PCDH7: variants seen among roughly 807,000 people sequenced by gnomAD.
PCDH7 encodes the protein protocadherin 7.
A neutral mutation model predicts 58.9 loss-of-function variants in PCDH7; 17 were observed. The observed-to-expected ratio is 0.29, with a 90% CI of 0.20 to 0.43. The LOEUF (loss-of-function observed/expected upper bound fraction) is 0.43. Ranked by LOEUF, PCDH7 falls within the 20% of genes least tolerant of loss-of-function variation. PCDH7 has a pLI of 1.00. For synonymous variants in PCDH7, 664 were observed against 616.4 expected (o/e 1.08, Z -1.14); for missense variants, 1,274 against 1,441.0 (o/e 0.88, Z 1.88).
At chr4:31,036,642 T>C (rs1367963715) in intron 3 of PCDH7, among the ~76,000 whole-genome samples, 1 of 152,126 alleles carries the variant, frequency 6.6e-6, no homozygotes, top group Non-Finnish European at 1.5e-5. Flanking sequence ...TCATCGAAAA[T>C]GTTTGATTAT....
chr4:31,067,374 CAAAAAA>C (rs10715937), intron 3 of PCDH7, among the ~76,000 whole-genome samples: 1 of 109,652 alleles, frequency 9.1e-6, no homozygotes. Context: ...ATCACTGAGA[CAAAAAA>C]AAAAAAAAAA....
intron 1 of PCDH7, among the ~76,000 whole-genome samples, chr4:30,830,889 G>A (rs901816444): frequency 2.6e-5 from 4 of 152,052 alleles, no homozygotes; most frequent in Non-Finnish European, 5.9e-5. Context: ...TGCTGCCAAT[G>A]TTTTAACACT....
chr4:30,840,295 C>T (rs1262837366), intron 1 of PCDH7, among the ~76,000 whole-genome samples: 1 of 151,970 alleles, frequency 6.6e-6, no homozygotes, highest in Non-Finnish European at 1.5e-5. Flanking sequence ...GTCGGATGTC[C>T]TTATTCTTTC....
chr4:31,090,149 G>T (rs983138090), intron 3 of PCDH7, among the ~76,000 whole-genome samples: 1 of 151,978 alleles, frequency 6.6e-6, no homozygotes, highest in Non-Finnish European at 1.5e-5. Flanking sequence ...GCTTATTCAG[G>T]TCATTGTACC....
At chr4:31,067,378 A>G (rs1475935078) in intron 3 of PCDH7, among the ~76,000 whole-genome samples, 1 of 126,312 alleles carries the variant, frequency 7.9e-6, no homozygotes, top group African/African-American at 2.7e-5. Context: ...CTGAGACAAA[A>G]AAAAAAAAAA....
intron 1 of PCDH7, among the ~76,000 whole-genome samples, chr4:30,912,628 T>A (rs560888115): frequency 1.3e-5 from 2 of 152,232 alleles, no homozygotes; most frequent in African/African-American, 4.8e-5. Flanking sequence ...AAAAGGAAGG[T>A]GCAGATTTAA....
chr4:31,060,248 A>G (rs1757579519), intron 3 of PCDH7, among the ~76,000 whole-genome samples: 2 of 151,774 alleles, frequency 1.3e-5, no homozygotes, highest in African/African-American at 4.8e-5. Context: ...ATATCTTTGT[A>G]TGATAATAAA....
chr4:31,082,668 C>T (rs1319036530), intron 3 of PCDH7, among the ~76,000 whole-genome samples: 1 of 150,538 alleles, frequency 6.6e-6, no homozygotes, highest in African/African-American at 2.4e-5. Context: ...AGTGAAGTAA[C>T]ACAAAAGTGA....
intron 3 of PCDH7, among the ~76,000 whole-genome samples, chr4:31,123,354 A>T (rs1717912040): frequency 2.0e-5 from 3 of 152,184 alleles, no homozygotes; most frequent in Non-Finnish European, 4.4e-5. Flanking sequence ...AATACGTAGA[A>T]TAGTAGTTAA....
At chr4:30,887,080 T>C (rs1056035653) in intron 1 of PCDH7, among the ~76,000 whole-genome samples, 19 of 151,542 alleles carry the variant, frequency 1.3e-4, no homozygotes, top group Non-Finnish European at 2.2e-4. Context: ...TGTATACATA[T>C]GTAACTAACC....
chr4:31,117,088 A>C (rs944092421), intron 3 of PCDH7, among the ~76,000 whole-genome samples: 1 of 152,086 alleles, frequency 6.6e-6, no homozygotes, highest in Admixed American at 6.6e-5. Flanking sequence ...GGCTTTTACC[A>C]TGTTGGTCAG....
At chr4:30,728,052 A>C (rs1366165155) in intron 1 of PCDH7, among the ~76,000 whole-genome samples, 1 of 151,724 alleles carries the variant, frequency 6.6e-6, no homozygotes, top group Non-Finnish European at 1.5e-5. Flanking sequence ...AATACAAAAA[A>C]TTTACATTAA....
intron 3 of PCDH7, among the ~76,000 whole-genome samples, chr4:31,097,746 G>T (rs1409523393): frequency 6.6e-6 from 1 of 150,390 alleles, no homozygotes; most frequent in African/African-American, 2.4e-5. Flanking sequence ...TTAAAAACCA[G>T]CTAGCTTATT....
chr4:30,961,437 A>T (rs1271050839), intron 3 of PCDH7, among the ~76,000 whole-genome samples: 1 of 151,726 alleles, frequency 6.6e-6, no homozygotes, highest in Non-Finnish European at 1.5e-5. Context: ...CTGTAGTCCC[A>T]CCTACTGGGG....
chr4:30,744,568 A>G (rs545935878), intron 1 of PCDH7, among the ~76,000 whole-genome samples: 6 of 152,340 alleles, frequency 3.9e-5, no homozygotes, highest in Middle Eastern at 3.4e-3. Flanking sequence ...ATTATAATGT[A>G]GTATGATAAG....
chr4:30,847,454 C>A (rs140948458), intron 1 of PCDH7, among the ~76,000 whole-genome samples: 1 of 152,142 alleles, frequency 6.6e-6, no homozygotes, highest in Admixed American at 6.6e-5. Flanking sequence ...TGTGAAGGAA[C>A]TGTTGCCCAC....
At position 30,850,537 on chromosome 4, in the gene PCDH7, A is replaced by G. The variant is rs190254659; in HGVS notation, c.71-69616A>G. 4.6e-5 allele frequency among the ~76,000 whole-genome samples: 7 copies of G among 151,986 alleles called. No homozygotes were observed. In the South Asian group the frequency reaches 1.0e-3, roughly 23 times the overall value. Reference sequence around the variant, plus strand: ...CTATAAACCAGGGTTTTTCTTTTTTATTAGGTGGAGGGGGGAGGGGGTTGG... The same window carrying G: ...CTATAAACCAGGGTTTTTCTTTTTTGTTAGGTGGAGGGGGGAGGGGGTTGG... On this transcript the variant is annotated intron_variant, in intron 1 of 3. Transcript: ENST00000509759.
At chr4:30,949,496 C>G (rs1375782544) in intron 2 of PCDH7, among the ~76,000 whole-genome samples, 4 of 152,070 alleles carry the variant, frequency 2.6e-5, no homozygotes, top group Non-Finnish European at 4.4e-5. Flanking sequence ...TGAAAGTATA[C>G]ATAGTCCAGA....
chr4:30,731,137 C>T (rs1430291220), exon 2 of PCDH7: 1 of 1,023,712 alleles, frequency 9.8e-7, no homozygotes, highest in Non-Finnish European at 1.2e-6. Context: ...TTTGTGTGAA[C>T]AAAGGGAAAT....
Sources: gnomAD v4.1 joint callset for allele counts (sites outside exome capture counted in the v4.1 genomes callset) on GRCh38, gnomAD v4.1.1 for gene constraint, MANE v1.5 for transcripts, NCBI Gene and HGNC (gene_info 2026-07-23, HGNC 2026-07-21) for gene names.